SSC5D: variants seen among roughly 807,000 people sequenced by gnomAD.
SSC5D encodes scavenger receptor cysteine rich family member with 5 domains.
Under a neutral mutation model 104.6 loss-of-function variants are expected in SSC5D, and 106 were observed. The observed-to-expected ratio is 1.01, with a 90% CI of 0.87 to 1.19. SSC5D has a LOEUF of 1.19. SSC5D is among the 50% of genes most tolerant of loss of function. SSC5D has a pLI of 0.00. For missense variants in SSC5D, 1,993 were observed against 2,153.8 expected (o/e 0.93, Z 1.48); for synonymous variants, 860 against 883.5 (o/e 0.97, Z 0.47).
rs568705609 is a variant in SSC5D, at chr19:55,490,857, C to T, written c.672C>T (p.Asp224=). Residue 224 remains aspartate, a synonymous_variant, in exon 6 of 14, where the codon GAC becomes GAT. Coordinates refer to ENST00000389623, the MANE Select transcript of SSC5D (RefSeq NM_001144950.2). ...WHGGRWGTVC[D]DGWDLRDAAV... is the part of the protein sequence containing the mutation. Reference sequence around the variant, plus strand: ...GCGGGCGCTGGGGCACCGTATGTGACGATGGCTGGGACCTGCGCGACGCTG... The same window carrying T: ...GCGGGCGCTGGGGCACCGTATGTGATGATGGCTGGGACCTGCGCGACGCTG... 126 of 1,547,040 alleles carry T rather than the reference C, an allele frequency of 8.1e-5. 2 individuals are homozygous for T. In the South Asian group the frequency reaches 1.3e-3, roughly 16 times the overall value.
intron 1 of SSC5D, 134 bp from the exon 2 acceptor site, chr19:55,488,872 A>ATG: frequency 7.7e-6 from 1 of 130,600 alleles, no homozygotes; most frequent in East Asian, 7.9e-5. Context: ...AGCCAAGCCC[A>ATG]TGTGTGTGTG....
At position 55,503,390 on chromosome 19, in the gene SSC5D, C is replaced by G. The variant is rs62130163; in HGVS notation, c.2785+2189C>G. Among the ~76,000 whole-genome samples the G allele has an allele frequency of 0.26, 39,218 of 152,004 alleles. 5,656 individuals are homozygous for G. The highest frequency in any genetic ancestry group is 0.58 in the East Asian group (3,004 of 5,164). On this transcript the variant is annotated intron_variant, in intron 12 of 13. Transcript: ENST00000389623. This position sits in a 1 kb window ranked among gnomAD's most constrained non-coding sequence, Gnocchi z 4.0. ...CACTGCGTTCTCTCCCCAGGCCCAG[C>G]GCTGTGGTATCTTTTCCTTTGTCTC...
At chr19:55,513,746 C>A in intron 13 of SSC5D, among the ~76,000 whole-genome samples, 1 of 152,166 alleles carries the variant, frequency 6.6e-6, no homozygotes, top group East Asian at 1.9e-4. Flanking sequence ...TGGTGATAAA[C>A]ATTCACAATG....
chr19:55,490,408 G>A lies in SSC5D; in HGVS notation c.586G>A (p.Glu196Lys). 1 of 1,312,192 alleles carries A rather than the reference G, an allele frequency of 7.6e-7. No individual in the cohort carries two copies. The allele number at this position is 1,312,192 out of a possible 1,614,324, so 81.3% of individuals were successfully genotyped here. Residue 196 changes from glutamate to lysine, a missense_variant and splice_region_variant, in exon 5 of 14, where the codon GAG becomes AAG. Physicochemically the swap from Glu to Lys is moderately conservative, Grantham distance 56 (BLOSUM62 1). This residue lies in a region of SSC5D where 1,101 missense variants were observed against 1,085.0 expected (regional missense o/e 1.01). Coordinates refer to ENST00000389623, the MANE Select transcript of SSC5D (RefSeq NM_001144950.2). Reference protein sequence around the residue: ...PLLTTGAPRQERLRLVSGPHR... With the variant: ...PLLTTGAPRQKRLRLVSGPHR... ...GCTGACGACAGGAGCCCCCCGCCAA[G>A]GTAAGCTCCCTGCAGGCTCCCCCGA...
chr19:55,497,874 C>A lies in SSC5D; in HGVS notation c.1388-6C>A, dbSNP rs1987364941. 6.5e-7 allele frequency: 1 copy of A among 1,526,870 alleles called. No individual in the cohort carries two copies. Among genetic ancestry groups the A allele is most frequent in the Non-Finnish European group, 8.8e-7 (1 of 1,130,754 alleles). The allele number at this position is 1,526,870 out of a possible 1,614,324, so 94.6% of individuals were successfully genotyped here. A position where few individuals can be genotyped will look rare whatever the true frequency, so the allele number is the denominator to read the frequency against. On this transcript the variant is annotated splice_polypyrimidine_tract_variant and splice_region_variant and intron_variant, in intron 8 of 13. Transcript: ENST00000389623. The stretch of plus-strand genomic sequence containing the variant: ...ACTCTAATTCTTTGGGTCTCTTCTA[C>A]CCCAGGGTCCCCCCAGCTGCGCCTG...
chr19:55,493,981 CGGGGGCGGGGGGGT>C, intron 7 of SSC5D, 69 bp downstream of exon 7: 28 of 44,486 alleles, frequency 6.3e-4, no homozygotes, highest in Middle Eastern at 9.3e-3. Context: ...GCAAGTTCGG[CGGGGGCGGGGGGGT>C]CCCTACGCGC....
At chr19:55,507,362 A>AAAG (rs1568482538) in intron 12 of SSC5D, among the ~76,000 whole-genome samples, 13 of 144,854 alleles carry the variant, frequency 9.0e-5, no homozygotes, top group African/African-American at 3.4e-4. Context: ...AAAAAAAAAA[A>AAAG]GGATGGTTAA....
rs1458154294 is a variant in SSC5D at position 55,493,751 on chromosome 19, T to TGGCCGCCCCCGGGGGCGCC, written c.1053_1071dup (p.Phe358GlyfsTer41). On this transcript the variant is annotated frameshift_variant, in exon 7 of 14. Coordinates refer to ENST00000389623, the MANE Select transcript of SSC5D (RefSeq NM_001144950.2). LOFTEE classifies it high-confidence loss of function. ...CGAGAGCTGGGCTGCGGAGGGGCGC[T>TGGCCGCCCCCGGGGGCGCC]GGCCGCCCCCGGGGGCGCCTTCTTT... 83 of 1,526,058 alleles carry TGGCCGCCCCCGGGGGCGCC rather than the reference T, an allele frequency of 5.4e-5. No individual in the cohort carries two copies. Among genetic ancestry groups the TGGCCGCCCCCGGGGGCGCC allele is most frequent in the Non-Finnish European group, 7.2e-5 (82 of 1,138,170 alleles). The allele number at this position is 1,526,058 out of a possible 1,614,324, so 94.5% of individuals were successfully genotyped here.
chr19:55,500,220 GCCC>G lies in SSC5D; in HGVS notation c.2114_2116del (p.Pro705del). 3 of 1,550,984 alleles carry G rather than the reference GCCC, an allele frequency of 1.9e-6. No homozygotes were observed. Among genetic ancestry groups the G allele is most frequent in the Non-Finnish European group, 1.7e-6 (2 of 1,146,838 alleles). On this transcript the variant is annotated inframe_deletion, in exon 10 of 14. Transcript: ENST00000389623. The surrounding 1 kb of genome is among the most constrained non-coding windows in gnomAD (Gnocchi z 4.6). ...CACCACTGCCACGCTGACCCCTCAG[GCCC>G]CCCGAGAACGGACCACTAAGACCAT...
chr19:55,495,688 A>T (rs1010565600), intron 8 of SSC5D, among the ~76,000 whole-genome samples: 8 of 152,066 alleles, frequency 5.3e-5, no homozygotes, highest in Non-Finnish European at 1.2e-4. Context: ...CCACACAGGG[A>T]AGCACCAGGG....
chr19:55,511,834 G>A (rs190312014), intron 12 of SSC5D, among the ~76,000 whole-genome samples: 1 of 152,276 alleles, frequency 6.6e-6, no homozygotes, highest in Non-Finnish European at 1.5e-5. Flanking sequence ...TTTTTAAGAG[G>A]CCTCCAGGAT....
intron 1 of SSC5D, 94 bp downstream of exon 1, chr19:55,488,708 C>T: frequency 8.9e-7 from 1 of 1,120,892 alleles, no homozygotes; most frequent in Non-Finnish European, 1.3e-6. Context: ...ACTTCCGGGA[C>T]TGGTCGCTGG....
intron 12 of SSC5D, among the ~76,000 whole-genome samples, chr19:55,505,417 G>A (rs1019999972): frequency 6.6e-6 from 1 of 151,786 alleles, no homozygotes; most frequent in Non-Finnish European, 1.5e-5. Context: ...TGAAAGATCT[G>A]TATCTATTTC....
intron 8 of SSC5D, among the ~76,000 whole-genome samples, chr19:55,497,237 C>G (rs943325259): frequency 6.6e-6 from 1 of 152,110 alleles, no homozygotes; most frequent in Admixed American, 6.6e-5. Flanking sequence ...CCCTGAAGAC[C>G]GAGAGCTTTT....
At chr19:55,488,828 A>T (rs1196208082) in intron 1 of SSC5D, among the ~76,000 whole-genome samples, 178 bp from the exon 2 acceptor site, 1 of 1,620 alleles carries the variant, frequency 6.2e-4, no homozygotes, top group Non-Finnish European at 1.2e-3. Context: ...CCCAGCCCTG[A>T]CCCTGCGGGG....
At chr19:55,494,144 G>A (rs1398378113) in intron 7 of SSC5D, among the ~76,000 whole-genome samples, 2 of 152,092 alleles carry the variant, frequency 1.3e-5, no homozygotes, top group Admixed American at 1.3e-4. Flanking sequence ...ATTTTTGATG[G>A]TCACAGCTGG....
intron 12 of SSC5D, among the ~76,000 whole-genome samples, chr19:55,509,807 C>T (rs1460017594): frequency 8.6e-5 from 11 of 128,354 alleles, no homozygotes; most frequent in South Asian, 4.6e-4. Flanking sequence ...TGCAGTGAGC[C>T]GAGATCTTGC....
At chr19:55,491,152 C>A in intron 6 of SSC5D, 72 bp downstream of exon 6, 1 of 1,473,018 alleles carries the variant, frequency 6.8e-7, no homozygotes. Context: ...CTCCAGGAAG[C>A]TGCAGCGGGC....
intron 6 of SSC5D, 54 bp from the exon 7 acceptor site, chr19:55,493,541 C>T (rs573857002): frequency 3.6e-6 from 5 of 1,376,894 alleles, no homozygotes; most frequent in Non-Finnish European, 4.7e-6. Context: ...ATAGCTTAGT[C>T]CCCGCTCATC....
Sources: allele counts gnomAD v4.1 joint callset (sites outside exome capture counted in the v4.1 genomes callset), GRCh38; gene constraint gnomAD v4.1.1; regional missense constraint gnomAD v4.1.1; non-coding constraint Gnocchi (gnomAD v3.1); transcripts MANE v1.5; gene names NCBI Gene and HGNC (gene_info 2026-07-23, HGNC 2026-07-21).